The following LAMA3 variants were observed in gnomAD, a reference collection of about 807,000 sequenced individuals.
LAMA3 encodes the protein laminin subunit alpha 3.
In LAMA3, 281 loss-of-function variants were observed where a neutral mutation model predicts 402.0. That is an observed-to-expected ratio of 0.70 (90% confidence interval 0.63 to 0.77). LAMA3 has a LOEUF of 0.77. Ranked by LOEUF, LAMA3 falls within the 30% of genes least tolerant of loss-of-function variation. The pLI is 0.00. For missense variants in LAMA3, 3,840 were observed against 4,215.5 expected, an observed-to-expected ratio of 0.91 and a Z score of 2.47; for synonymous variants, 1,431 against 1,558.4, an observed-to-expected ratio of 0.92 and a Z score of 1.93.
intron 19 of LAMA3, 103 bp downstream of exon 19, chr18:23,820,100 T>G: frequency 8.8e-7 from 1 of 1,140,968 alleles, no homozygotes; most frequent in Non-Finnish European, 1.3e-6. Context: ...CCAGAACTGA[T>G]TCCACGATTC....
At chr18:23,725,293 T>G (rs1400592379) in intron 2 of LAMA3, among the ~76,000 whole-genome samples, 1 of 152,164 alleles carries the variant, frequency 6.6e-6, no homozygotes, top group Admixed American at 6.5e-5. Flanking sequence ...GTATTTTTAG[T>G]AGAGACGGGG....
intron 32 of LAMA3, among the ~76,000 whole-genome samples, chr18:23,848,781 C>T (rs1449134121): frequency 1.3e-5 from 2 of 152,232 alleles, no homozygotes; most frequent in Admixed American, 1.3e-4. Context: ...TTTCTGGAGC[C>T]TGGAAATTAA....
At chr18:23,938,843 A>ATT (rs2082395077) in intron 67 of LAMA3, among the ~76,000 whole-genome samples, 1 of 151,670 alleles carries the variant, frequency 6.6e-6, no homozygotes, top group Non-Finnish European at 1.5e-5. Context: ...AAGGGGGGGT[A>ATT]TTTAGACTCT....
intron 35 of LAMA3, among the ~76,000 whole-genome samples, chr18:23,862,442 C>G (rs1238247658): frequency 6.6e-6 from 1 of 152,160 alleles, no homozygotes; most frequent in East Asian, 1.9e-4. Flanking sequence ...AAGGGTGGAA[C>G]TTGCTAACGG....
At chr18:23,706,951 G>A (rs950635037) in intron 1 of LAMA3, among the ~76,000 whole-genome samples, 9 of 152,134 alleles carry the variant, frequency 5.9e-5, no homozygotes. Context: ...GGTGGCACAT[G>A]CCTGTAATCC....
chr18:23,815,555 A>G lies in LAMA3; in HGVS notation c.2029A>G (p.Asn677Asp), dbSNP rs1385101862. 1 of 1,613,788 alleles carries G rather than the reference A, an allele frequency of 6.2e-7. No homozygotes were observed. Among genetic ancestry groups the G allele is most frequent in the African/African-American group, 1.3e-5 (1 of 75,052 alleles). ...EDGYFALEKS[N>D]YFGCQGCQCD... ...TGGATATTTTGCTTTGGAAAAGAGC[A>G]ATTACTTTGGGTGTCAAGGTAAATA... Residue 677 changes from asparagine to aspartate, a missense_variant, in exon 17 of 75, where the codon AAT (asparagine) becomes GAT (aspartate). Asn to Asp is a conservative substitution (Grantham distance 23). Coordinates refer to ENST00000313654, the MANE Select transcript of LAMA3 (RefSeq NM_198129.4).
intron 13 of LAMA3, among the ~76,000 whole-genome samples, chr18:23,812,501 C>A (rs1293536714): frequency 6.6e-6 from 1 of 152,174 alleles, no homozygotes; most frequent in East Asian, 1.9e-4. Flanking sequence ...AACAGACTTA[C>A]CCAGTTCAAA....
chr18:23,943,531 A>G (rs543260055), intron 68 of LAMA3, among the ~76,000 whole-genome samples: 6 of 152,354 alleles, frequency 3.9e-5, no homozygotes, highest in Non-Finnish European at 7.4e-5. Context: ...GACTTACACC[A>G]CTAGCTAAGT....
intron 32 of LAMA3, among the ~76,000 whole-genome samples, chr18:23,850,350 C>A (rs1286748416): frequency 6.6e-6 from 1 of 152,238 alleles, no homozygotes; most frequent in East Asian, 1.9e-4. Flanking sequence ...AATACTCACT[C>A]TTTACTTAGT....
At chr18:23,739,819 T>C (rs1178709786) in intron 2 of LAMA3, among the ~76,000 whole-genome samples, 3 of 152,240 alleles carry the variant, frequency 2.0e-5, no homozygotes, top group African/African-American at 7.2e-5. Flanking sequence ...AAGCCACTTA[T>C]AAAAATCCAT....
At chr18:23,716,284 A>G (rs1037782851) in intron 2 of LAMA3, among the ~76,000 whole-genome samples, 2 of 152,126 alleles carry the variant, frequency 1.3e-5, no homozygotes, top group Admixed American at 1.3e-4. Context: ...CAGCCTCCCA[A>G]GTAGCTGGGA....
chr18:23,898,704 T>C (rs1182236779), intron 44 of LAMA3, 34 bp from the exon 45 acceptor site: 2 of 1,163,772 alleles, frequency 1.7e-6, no homozygotes, highest in African/African-American at 3.0e-5. Flanking sequence ...GTCTTTATAC[T>C]GTAAAGTGAC....
chr18:23,891,736 G>A (rs917296844), intron 42 of LAMA3, among the ~76,000 whole-genome samples: 1 of 152,178 alleles, frequency 6.6e-6, no homozygotes, highest in Non-Finnish European at 1.5e-5. Context: ...AAAAGCTTAA[G>A]GTTGTCATCA....
chr18:23,795,658 C>A (rs948518052), intron 12 of LAMA3, among the ~76,000 whole-genome samples: 2 of 151,494 alleles, frequency 1.3e-5, no homozygotes, highest in Admixed American at 6.6e-5. Context: ...AACTTCTTGG[C>A]AGTAATAGAA....
At chr18:23,748,233 A>G (rs1340048844) in intron 3 of LAMA3, among the ~76,000 whole-genome samples, 173 bp downstream of exon 3, 1 of 152,184 alleles carries the variant, frequency 6.6e-6, no homozygotes, top group African/African-American at 2.4e-5. Flanking sequence ...GTTTGAGACC[A>G]GCCTGGCCAA....
At chr18:23,868,004 T>C (rs1429623206) in intron 37 of LAMA3, 87 bp downstream of exon 37, 6 of 1,011,100 alleles carry the variant, frequency 5.9e-6, no homozygotes, top group South Asian at 5.2e-5. Context: ...ATTTTAAGAA[T>C]TGTAAAATAT....
intron 66 of LAMA3, 173 bp downstream of exon 66, chr18:23,932,464 A>G (rs2082191089): frequency 3.0e-6 from 2 of 666,434 alleles, no homozygotes; most frequent in Non-Finnish European, 5.0e-6. Context: ...AAAAACCCAT[A>G]AAAAACTCCT....
chr18:23,698,302 G>A (rs1598599464), intron 1 of LAMA3, among the ~76,000 whole-genome samples: 1 of 151,488 alleles, frequency 6.6e-6, no homozygotes, highest in African/African-American at 2.4e-5. Flanking sequence ...CGCCTCCCGG[G>A]TTCACGCCAT....
Position 23,751,176 on chromosome 18 carries a change from C to T in LAMA3, c.855+88C>T. On this transcript the variant is annotated intron_variant, in intron 5 of 74. Transcript: ENST00000313654. Reference sequence around the variant, plus strand: ...ATTGCCTTGAACTCTTTTAAGTAACCTTTATAGCCTGTAATGATGTAGGTG... The same window carrying T: ...ATTGCCTTGAACTCTTTTAAGTAACTTTTATAGCCTGTAATGATGTAGGTG... 4 of 1,235,342 alleles carry T rather than the reference C, an allele frequency of 3.2e-6. No individual in the cohort carries two copies. In the East Asian group the frequency reaches 9.3e-5, roughly 29 times the overall value. 76.5% of individuals were successfully genotyped at this position (1,235,342 alleles called of 1,614,324 possible).
Sources: allele counts gnomAD v4.1 joint callset (sites outside exome capture counted in the v4.1 genomes callset), GRCh38; gene constraint gnomAD v4.1.1; transcripts MANE v1.5; gene names NCBI Gene and HGNC (gene_info 2026-07-23, HGNC 2026-07-21).